CCDC149: variants seen among roughly 807,000 people sequenced by gnomAD.
CCDC149 encodes the protein coiled-coil domain-containing protein 149.
In CCDC149, 45 loss-of-function variants were observed where a neutral mutation model predicts 59.9. That is an observed-to-expected ratio of 0.75 (90% CI 0.59 to 0.96). The LOEUF (loss-of-function observed/expected upper bound fraction) is 0.96, where lower values mean the gene tolerates loss of function less well. Ranked by LOEUF, CCDC149 falls within the 40% of genes least tolerant of loss-of-function variation. CCDC149 has a pLI of 0.00. For synonymous variants in CCDC149, 245 were observed against 260.6 expected (o/e 0.94, Z 0.58); for missense variants, 584 against 664.7 (o/e 0.88, Z 1.33).
At chr4:24,969,296 A>T (rs1226806943) in intron 1 of CCDC149, among the ~76,000 whole-genome samples, 1 of 152,206 alleles carries the variant, frequency 6.6e-6, no homozygotes, top group Non-Finnish European at 1.5e-5. Context: ...ACAGCTGTGG[A>T]CACAGGCCTG....
intron 1 of CCDC149, among the ~76,000 whole-genome samples, chr4:24,947,024 A>T (rs887702266): frequency 2.0e-5 from 3 of 152,174 alleles, no homozygotes; most frequent in Non-Finnish European, 2.9e-5. Context: ...GCCCAGGAAA[A>T]CAGGTTCCTG....
chr4:24,827,469 C>T (rs1271999014), intron 9 of CCDC149: 1 of 152,268 alleles, frequency 6.6e-6, no homozygotes, highest in Non-Finnish European at 1.5e-5. Flanking sequence ...AATATGTCCT[C>T]ATATATTCAC....
chr4:24,896,493 T>C (rs1043058667), intron 1 of CCDC149, among the ~76,000 whole-genome samples: 2 of 152,236 alleles, frequency 1.3e-5, no homozygotes, highest in Admixed American at 6.5e-5. Flanking sequence ...GCTTGAATTC[T>C]AGAGCAGAAG....
At chr4:24,818,251 A>C (rs545440718) in intron 12 of CCDC149, among the ~76,000 whole-genome samples, 2 of 152,306 alleles carry the variant, frequency 1.3e-5, no homozygotes, top group Non-Finnish European at 2.9e-5. Context: ...GAGGGTGACA[A>C]AAAAAGAAGG....
chr4:24,887,597 C>G (rs148170627), intron 1 of CCDC149, among the ~76,000 whole-genome samples: 2 of 152,098 alleles, frequency 1.3e-5, no homozygotes, highest in Admixed American at 6.6e-5. Flanking sequence ...TCACTTCCCA[C>G]CCAACAAATG....
chr4:24,862,283 A>C (rs1431458217), intron 3 of CCDC149, among the ~76,000 whole-genome samples: 1 of 152,202 alleles, frequency 6.6e-6, no homozygotes, highest in African/African-American at 2.4e-5. Context: ...CACTCCGTGG[A>C]GGGCCATAAA....
chr4:24,955,141 T>C (rs936359147), intron 1 of CCDC149, among the ~76,000 whole-genome samples: 1 of 152,140 alleles, frequency 6.6e-6, no homozygotes, highest in Admixed American at 6.6e-5. Flanking sequence ...GAAAAGTTTA[T>C]TTTTCCCTTG....
At chr4:24,960,636 A>G (rs1560270140) in intron 1 of CCDC149, among the ~76,000 whole-genome samples, 1 of 152,228 alleles carries the variant, frequency 6.6e-6, no homozygotes, top group African/African-American at 2.4e-5. Context: ...TGTATTTTAG[A>G]GCAAAGAATA....
intron 1 of CCDC149, among the ~76,000 whole-genome samples, chr4:24,938,000 C>T (rs1722832963): frequency 6.6e-6 from 1 of 152,098 alleles, no homozygotes; most frequent in African/African-American, 2.4e-5. Flanking sequence ...TCTGTATGTG[C>T]CTTCCTATTC....
chr4:24,871,186 T>A (rs1719022773), intron 3 of CCDC149, among the ~76,000 whole-genome samples: 1 of 145,920 alleles, frequency 6.9e-6, no homozygotes, highest in Non-Finnish European at 1.5e-5. Context: ...TAAGTAAGCG[T>A]GCTGAATGAA....
intron 1 of CCDC149, among the ~76,000 whole-genome samples, chr4:24,972,688 A>G (rs950949557): frequency 6.6e-6 from 1 of 152,188 alleles, no homozygotes; most frequent in African/African-American, 2.4e-5. Context: ...GAGACATTTT[A>G]TTTAAACCTG....
chr4:24,838,092 C>G (rs1716660275), intron 5 of CCDC149, 64 bp downstream of exon 5: 2 of 1,281,320 alleles, frequency 1.6e-6, no homozygotes, highest in Non-Finnish European at 2.3e-6. Context: ...ACAGTCCACT[C>G]TTGTTTGTGT....
chr4:24,810,924 G>T (rs974070684), intron 12 of CCDC149, among the ~76,000 whole-genome samples: 2 of 152,162 alleles, frequency 1.3e-5, no homozygotes, highest in African/African-American at 4.8e-5. Flanking sequence ...TTATAGGCCA[G>T]ATATTTCAAG....
chr4:24,850,517 G>T (rs911879406), intron 4 of CCDC149, among the ~76,000 whole-genome samples: 1 of 152,108 alleles, frequency 6.6e-6, no homozygotes, highest in Non-Finnish European at 1.5e-5. Flanking sequence ...AGGTCCTGTG[G>T]CCACAGGCAG....
intron 1 of CCDC149, among the ~76,000 whole-genome samples, chr4:24,961,891 T>C (rs910119158): frequency 2.0e-5 from 3 of 152,148 alleles, no homozygotes; most frequent in East Asian, 3.9e-4. Flanking sequence ...ATTCAGGACA[T>C]AGGCATGGGC....
rs1560253798 is a variant in CCDC149 at position 24,912,827 on chromosome 4, A to C, written c.53T>G (p.Leu18Arg). The change falls in exon 1 of 13, where the codon CTG (leucine) becomes CGG (arginine). Residue 18 changes from leucine (L) to arginine (R), a missense_variant. Physicochemically the swap from Leu to Arg is moderately radical, Grantham distance 102. Transcript: ENST00000635206. ...GCGCCGCGGCCTCACCTCGCTCACC[A>C]GCCCCTGCCAGTCGCTCTCAGTCCG... 2 of 1,359,454 alleles carry C rather than the reference A, an allele frequency of 1.5e-6. No individual in the cohort carries two copies. The highest frequency in any genetic ancestry group is 3.1e-5 in the African/African-American group (2 of 65,120). 84.2% of individuals were successfully genotyped at this position (1,359,454 alleles called of 1,614,324 possible).
At chr4:24,836,683 T>G (rs1716550437) in intron 6 of CCDC149, among the ~76,000 whole-genome samples, 175 bp from the exon 7 acceptor site, 1 of 152,236 alleles carries the variant, frequency 6.6e-6, no homozygotes, top group African/African-American at 2.4e-5. Context: ...TTTCCTTAAA[T>G]GAATGCAATC....
intron 1 of CCDC149, among the ~76,000 whole-genome samples, chr4:24,885,240 T>C (rs929531246): frequency 6.6e-6 from 1 of 152,130 alleles, no homozygotes; most frequent in Non-Finnish European, 1.5e-5. Flanking sequence ...TGGGGGAGTG[T>C]CATTAAGAAT....
At chr4:24,906,198 A>G (rs1721500407) in intron 1 of CCDC149, among the ~76,000 whole-genome samples, 1 of 151,770 alleles carries the variant, frequency 6.6e-6, no homozygotes, top group African/African-American at 2.4e-5. Flanking sequence ...TAACAAATAC[A>G]CCTTTATTTC....
Sources: allele counts gnomAD v4.1 joint callset (sites outside exome capture counted in the v4.1 genomes callset), GRCh38; gene constraint gnomAD v4.1.1; transcripts MANE v1.5; gene names NCBI Gene and HGNC (gene_info 2026-07-23, HGNC 2026-07-21).